RNF152: variants seen among roughly 807,000 people sequenced by gnomAD.
The protein encoded by RNF152 is E3 ubiquitin-protein ligase RNF152.
RNF152 carries 11 observed loss-of-function variants against 12.7 expected under a neutral mutation model. The observed-to-expected ratio is 0.86, with a 90% CI of 0.54 to 1.43. The LOEUF (loss-of-function observed/expected upper bound fraction) is 1.43. Among genes scored for constraint, RNF152 ranks in the 40% most tolerant of loss-of-function variants. The pLI, the probability that RNF152 is intolerant of heterozygous loss-of-function variation, is 0.00. For synonymous variants in RNF152, 113 were observed against 120.3 expected (o/e 0.94, Z 0.40); for missense variants, 255 against 274.8 (o/e 0.93, Z 0.51).
Position 61,814,751 on chromosome 18 carries a change from C to T in RNF152, c.*1101G>A, listed in dbSNP as rs573466526. The stretch of plus-strand genomic sequence containing the variant: ...ATCACAGGCCATTTATTAAAATGCC[C>T]GCCTGGGTTGACCATCAGTCACAAC... On this transcript the variant is annotated 3_prime_UTR_variant, in exon 2 of 2. Transcript: ENST00000312828. 9 of 152,282 alleles carry T rather than the reference C, an allele frequency of 5.9e-5. No individual in the cohort carries two copies. The highest frequency in any genetic ancestry group is 2.2e-4 in the African/African-American group (9 of 41,560). The allele number at this position is 152,282 out of a possible 1,614,324, so 9.4% of individuals were successfully genotyped here. A position where few individuals can be genotyped will look rare whatever the true frequency, so the allele number is the denominator to read the frequency against.
chr18:61,839,187 G>A (rs141865909), intron 1 of RNF152, among the ~76,000 whole-genome samples: 1 of 152,040 alleles, frequency 6.6e-6, no homozygotes, highest in Non-Finnish European at 1.5e-5. Flanking sequence ...CATTAAAATC[G>A]GGAAATCTAC....
intron 1 of RNF152, among the ~76,000 whole-genome samples, chr18:61,879,019 C>T (rs1167976843): frequency 2.6e-5 from 4 of 152,190 alleles, no homozygotes; most frequent in Non-Finnish European, 4.4e-5. Flanking sequence ...GAAAGTAAGT[C>T]TGCCTGAGGG....
chr18:61,869,521 G>T (rs1047401175), intron 1 of RNF152, among the ~76,000 whole-genome samples: 1 of 152,110 alleles, frequency 6.6e-6, no homozygotes, highest in African/African-American at 2.4e-5. Context: ...ACTTGATAAA[G>T]GAACACAAAC....
intron 1 of RNF152, among the ~76,000 whole-genome samples, chr18:61,822,353 CTGT>C (rs1568263699): frequency 6.6e-6 from 1 of 152,074 alleles, no homozygotes. Flanking sequence ...GTTGTTGTTG[CTGT>C]TGTTATTTTG....
At chr18:61,878,628 G>A (rs1912320855) in intron 1 of RNF152, among the ~76,000 whole-genome samples, 1 of 152,188 alleles carries the variant, frequency 6.6e-6, no homozygotes, top group Admixed American at 6.5e-5. Context: ...ATTTCTCACA[G>A]TTCTGGAAGT....
chr18:61,819,228 C>A (rs959329637), intron 1 of RNF152, among the ~76,000 whole-genome samples: 1 of 152,234 alleles, frequency 6.6e-6, no homozygotes, highest in African/African-American at 2.4e-5. Flanking sequence ...AGAGAACCTG[C>A]AAGCACTCTC....
intron 1 of RNF152, among the ~76,000 whole-genome samples, chr18:61,834,435 G>T (rs1047525617): frequency 1.3e-5 from 2 of 152,082 alleles, no homozygotes; most frequent in Non-Finnish European, 2.9e-5. Flanking sequence ...TGTCCTTTTA[G>T]TCTCCCACAC....
upstream of RNF152, chr18:61,894,319 G>C (rs1466852818): frequency 2.2e-4 from 33 of 151,056 alleles, 1 homozygote; most frequent in East Asian, 5.8e-3. The surrounding 1 kb of genome is among the most constrained non-coding windows in gnomAD (Gnocchi z 4.9). Context: ...GCGCGGCGGC[G>C]GCGCCTGCAG....
At position 61,808,892 on chromosome 18, in the gene RNF152, G is replaced by A. The variant is rs987595115; in HGVS notation, c.*6960C>T. On this transcript the variant is annotated 3_prime_UTR_variant, in exon 2 of 2. Coordinates refer to ENST00000312828, the MANE Select transcript of RNF152 (RefSeq NM_173557.3). ...CTAGTGTGCTAACAATCCAAACCACGAGCATAGGATAGGGTGATAGGGAAA... is the reference window on the plus strand; with the variant it reads ...CTAGTGTGCTAACAATCCAAACCACAAGCATAGGATAGGGTGATAGGGAAA... 1 of 152,130 alleles carries A rather than the reference G, an allele frequency of 6.6e-6. No individual in the cohort carries two copies. The highest frequency in any genetic ancestry group is 1.5e-5 in the Non-Finnish European group (1 of 68,058). The allele number at this position is 152,130 out of a possible 1,614,324, so 9.4% of individuals were successfully genotyped here. A position where few individuals can be genotyped will look rare whatever the true frequency, so the allele number is the denominator to read the frequency against.
At chr18:61,857,129 G>A (rs561638667) in intron 1 of RNF152, among the ~76,000 whole-genome samples, 2 of 152,308 alleles carry the variant, frequency 1.3e-5, no homozygotes, top group Admixed American at 1.3e-4. Context: ...TTTACTTTGT[G>A]CTGATAATTC....
At chr18:61,847,972 G>T (rs981662073) in intron 1 of RNF152, among the ~76,000 whole-genome samples, 2 of 152,000 alleles carry the variant, frequency 1.3e-5, no homozygotes, top group Admixed American at 6.6e-5. Flanking sequence ...GCTTCCCTTC[G>T]TGTGATTATT....
intron 1 of RNF152, among the ~76,000 whole-genome samples, chr18:61,883,649 C>T (rs565478758): frequency 2.1e-4 from 32 of 152,122 alleles, no homozygotes; most frequent in Non-Finnish European, 3.7e-4. Context: ...CCCAGGTATG[C>T]TCTTAGTCAT....
intron 1 of RNF152, among the ~76,000 whole-genome samples, chr18:61,861,978 C>T (rs1296884024): frequency 6.6e-6 from 1 of 152,148 alleles, no homozygotes; most frequent in Non-Finnish European, 1.5e-5. Flanking sequence ...GACACCCAAA[C>T]TATACCACTA....
At chr18:61,833,337 T>C (rs1390651228) in intron 1 of RNF152, among the ~76,000 whole-genome samples, 1 of 152,150 alleles carries the variant, frequency 6.6e-6, no homozygotes, top group Non-Finnish European at 1.5e-5. Context: ...TAACTTAAAA[T>C]AAAACAAGGT....
At chr18:61,884,005 T>G (rs771660256) in intron 1 of RNF152, among the ~76,000 whole-genome samples, 3 of 152,200 alleles carry the variant, frequency 2.0e-5, no homozygotes, top group Non-Finnish European at 4.4e-5. Context: ...ATCACCTCCT[T>G]GGCTAGCTTA....
At chr18:61,885,316 T>TTGTTTGTG (rs1200697613) in intron 1 of RNF152, among the ~76,000 whole-genome samples, 1 of 151,880 alleles carries the variant, frequency 6.6e-6, no homozygotes, top group Non-Finnish European at 1.5e-5. Context: ...AGTGTTTTGT[T>TTGTTTGTG]TGTTTGTTTG....
intron 1 of RNF152, among the ~76,000 whole-genome samples, chr18:61,863,112 T>A (rs534030925): frequency 2.0e-5 from 3 of 152,112 alleles, no homozygotes; most frequent in Admixed American, 2.0e-4. Flanking sequence ...ACAAACCAAA[T>A]GTGTTGCCCG....
At chr18:61,846,756 T>C (rs970761977) in intron 1 of RNF152, among the ~76,000 whole-genome samples, 2 of 152,158 alleles carry the variant, frequency 1.3e-5, no homozygotes, top group Admixed American at 1.3e-4. Context: ...GAATTATTAA[T>C]ACTGCTCTCC....
intron 1 of RNF152, among the ~76,000 whole-genome samples, chr18:61,826,939 G>A (rs1251791825): frequency 6.6e-6 from 1 of 152,160 alleles, no homozygotes; most frequent in Non-Finnish European, 1.5e-5. Flanking sequence ...AGAAAGAGCT[G>A]AGCAAAGAAC....
Sources: gnomAD v4.1 joint callset for allele counts (sites outside exome capture counted in the v4.1 genomes callset) on GRCh38, gnomAD v4.1.1 for gene constraint, Gnocchi (gnomAD v3.1) non-coding constraint, MANE v1.5 for transcripts, NCBI Gene and HGNC (gene_info 2026-07-23, HGNC 2026-07-21) for gene names.